The following CLSTN2 variants were observed in gnomAD, a reference collection of about 807,000 sequenced individuals.
CLSTN2 encodes calsyntenin 2, also known as calsyntenin-2.
CLSTN2 carries 48 observed loss-of-function variants against 101.2 expected under a neutral mutation model. The ratio of observed to expected loss-of-function variants is 0.47; its 90% CI spans 0.38 to 0.60. The LOEUF (loss-of-function observed/expected upper bound fraction) is 0.60, where lower values mean the gene tolerates loss of function less well. CLSTN2 is among the 20% of genes least tolerant of loss of function. The pLI is 0.00. For synonymous variants in CLSTN2, 481 were observed against 463.6 expected (o/e 1.04, Z -0.48); for missense variants, 1,160 against 1,238.2 (o/e 0.94, Z 0.95).
chr3:140,377,886 C>T (rs1202213647), intron 2 of CLSTN2, among the ~76,000 whole-genome samples: 1 of 152,182 alleles, frequency 6.6e-6, no homozygotes, highest in African/African-American at 2.4e-5. Context: ...CTCACTCACC[C>T]AGAGTAACTT....
At chr3:140,144,087 C>T (rs1402683954) in intron 1 of CLSTN2, among the ~76,000 whole-genome samples, 2 of 152,166 alleles carry the variant, frequency 1.3e-5, no homozygotes, top group Non-Finnish European at 2.9e-5. Flanking sequence ...CCTCCCAAAT[C>T]ACATGAAAAG....
At chr3:140,254,543 G>GTCCTC (rs1453393645) in intron 2 of CLSTN2, among the ~76,000 whole-genome samples, 2 of 152,098 alleles carry the variant, frequency 1.3e-5, no homozygotes, top group African/African-American at 4.8e-5. Flanking sequence ...ATCCTATGTG[G>GTCCTC]TCCTCATCTC....
chr3:140,566,409 C>T lies in CLSTN2; in HGVS notation c.*156C>T, dbSNP rs181182643. ...CCCACCCTTTAAGCCTTGGGCACTC[C>T]CTGTGTTTCATCCATGGGGAAGTTC... On this transcript the variant is annotated 3_prime_UTR_variant, in exon 17 of 17. Transcript: ENST00000458420. 59 of 705,938 alleles carry T rather than the reference C, an allele frequency of 8.4e-5. No homozygotes were observed. In the African/African-American group the frequency reaches 1.0e-3, roughly 12 times the overall value. 43.7% of individuals were successfully genotyped at this position (705,938 alleles called of 1,614,324 possible).
intron 1 of CLSTN2, among the ~76,000 whole-genome samples, chr3:139,956,591 C>G (rs946423202): frequency 6.6e-6 from 1 of 152,204 alleles, no homozygotes; most frequent in African/African-American, 2.4e-5. Flanking sequence ...CTGTTTGGAA[C>G]AGACTCTCTT....
chr3:140,200,511 A>C (rs1408071721), intron 2 of CLSTN2, among the ~76,000 whole-genome samples: 1 of 152,200 alleles, frequency 6.6e-6, no homozygotes, highest in Non-Finnish European at 1.5e-5. Context: ...CAATGCTAAT[A>C]GCATGCTCTT....
In CLSTN2 at chr3:140,546,609, G is replaced by A; in HGVS notation, c.1602G>A (p.Val534=). 3.1e-6 allele frequency: 5 copies of A among 1,614,102 alleles called. No individual in the cohort carries two copies. The highest frequency in any genetic ancestry group is 4.2e-6 in the Non-Finnish European group (5 of 1,180,000). ...CTGGCAAAATGGAAAGCCAGAAGGTGATCTCCTGCCTGCAGGCCTGCAAGG... is the reference window on the plus strand; with the variant it reads ...CTGGCAAAATGGAAAGCCAGAAGGTAATCTCCTGCCTGCAGGCCTGCAAGG... ...IRPGKMESQK[V]ISCLQACKEG... The change falls in exon 10 of 17, where the codon GTG becomes GTA. Residue 534 remains valine (V), a synonymous_variant. Coordinates refer to ENST00000458420, the MANE Select transcript of CLSTN2 (RefSeq NM_022131.3).
chr3:139,950,879 A>G (rs1014944680), intron 1 of CLSTN2, among the ~76,000 whole-genome samples: 2 of 152,240 alleles, frequency 1.3e-5, no homozygotes, highest in Admixed American at 1.3e-4. Context: ...ATCACTGTGA[A>G]TTCAACAGCT....
At position 140,135,087 on chromosome 3, in the gene CLSTN2, AACACACACACAC is replaced by A. The variant is rs780837347; in HGVS notation, c.110-40844_110-40833del. On this transcript the variant is annotated intron_variant, in intron 1 of 16. Coordinates refer to ENST00000458420, the MANE Select transcript of CLSTN2 (RefSeq NM_022131.3). The stretch of plus-strand genomic sequence containing the variant: ...AGTCCAGGGTGATGCCTCTCAAAAA[AACACACACACAC>A]ACACACACACACACACACATATATA... Among the ~76,000 whole-genome samples the A allele has an allele frequency of 6.6e-3, 336 of 51,276 alleles. 4 individuals are homozygous for A. Among genetic ancestry groups the A allele is most frequent in the African/African-American group, 0.015 (280 of 18,490 alleles). 33.6% of individuals were successfully genotyped at this position (51,276 alleles called of 152,430 possible).
At chr3:140,104,822 A>G (rs1276384458) in intron 1 of CLSTN2, among the ~76,000 whole-genome samples, 1 of 152,180 alleles carries the variant, frequency 6.6e-6, no homozygotes, top group Non-Finnish European at 1.5e-5. Flanking sequence ...AAAAATACAA[A>G]AATTAGCCAG....
chr3:140,171,836 TATATA>T (rs67839854), intron 1 of CLSTN2, among the ~76,000 whole-genome samples: 12,384 of 107,364 alleles, frequency 0.12, 860 homozygotes, highest in Non-Finnish European at 0.15. Flanking sequence ...ATAATAACAA[TATATA>T]ATATAATATA....
chr3:140,201,914 A>T (rs1214845392), intron 2 of CLSTN2, among the ~76,000 whole-genome samples: 1 of 152,162 alleles, frequency 6.6e-6, no homozygotes, highest in Non-Finnish European at 1.5e-5. Context: ...GAAAGGGAAG[A>T]TTTAGTGTCA....
intron 1 of CLSTN2, among the ~76,000 whole-genome samples, chr3:140,143,056 C>G (rs6799784): frequency 0.083 from 12,613 of 152,164 alleles, 1,750 homozygotes; most frequent in African/African-American, 0.29. Context: ...CTCATCACGA[C>G]AGGGTTGTTG....
At chr3:140,390,943 T>C (rs973638246) in intron 2 of CLSTN2, among the ~76,000 whole-genome samples, 4 of 152,242 alleles carry the variant, frequency 2.6e-5, no homozygotes, top group Non-Finnish European at 4.4e-5. Context: ...AAATTAGTAA[T>C]GTTTTGTTTT....
intron 2 of CLSTN2, among the ~76,000 whole-genome samples, chr3:140,280,527 G>A (rs1282483264): frequency 1.3e-5 from 2 of 152,170 alleles, no homozygotes; most frequent in African/African-American, 4.8e-5. Flanking sequence ...AAGCAATTGG[G>A]AAGCAGCTCC....
intron 1 of CLSTN2, among the ~76,000 whole-genome samples, chr3:140,095,180 A>G (rs1457675725): frequency 1.3e-5 from 2 of 152,216 alleles, no homozygotes; most frequent in Non-Finnish European, 2.9e-5. Flanking sequence ...CTGCTCATAT[A>G]TTAAGGATGT....
chr3:140,375,417 T>C (rs2107960608), intron 2 of CLSTN2, among the ~76,000 whole-genome samples: 1 of 152,314 alleles, frequency 6.6e-6, no homozygotes, highest in Non-Finnish European at 1.5e-5. Flanking sequence ...CTGACATGCC[T>C]GGGAAGGCCA....
intron 2 of CLSTN2, among the ~76,000 whole-genome samples, chr3:140,377,451 C>T (rs1341789194): frequency 6.6e-6 from 1 of 152,116 alleles, no homozygotes; most frequent in African/African-American, 2.4e-5. Context: ...GATGAGAGCT[C>T]CATGCATGTT....
chr3:140,160,730 A>G (rs532859739), intron 1 of CLSTN2, among the ~76,000 whole-genome samples: 1 of 152,094 alleles, frequency 6.6e-6, no homozygotes, highest in Non-Finnish European at 1.5e-5. Context: ...TTCAGAAATA[A>G]GTAGGTCCCA....
chr3:140,241,937 T>A (rs1376370831), intron 2 of CLSTN2, among the ~76,000 whole-genome samples: 2 of 150,080 alleles, frequency 1.3e-5, no homozygotes, highest in Non-Finnish European at 2.9e-5. Context: ...ACACAGAGTG[T>A]CACTTTGTTG....
Sources: allele counts gnomAD v4.1 joint callset (sites outside exome capture counted in the v4.1 genomes callset), GRCh38; gene constraint gnomAD v4.1.1; transcripts MANE v1.5; gene names NCBI Gene and HGNC (gene_info 2026-07-23, HGNC 2026-07-21).